Variants in EPRS1 observed in about 807,000 individuals in gnomAD.
The protein encoded by EPRS1 is bifunctional glutamate/proline--tRNA ligase.
EPRS1 carries 107 observed loss-of-function variants against 188.3 expected under a neutral mutation model. That is an observed-to-expected ratio of 0.57 (90% CI 0.49 to 0.67). The LOEUF is 0.67. EPRS1 is among the 30% of genes least tolerant of loss of function. The pLI is 0.00. For missense variants in EPRS1, 1,577 were observed against 1,802.2 expected (o/e 0.88, Z 2.26); for synonymous variants, 596 against 593.1 (o/e 1.00, Z -0.07).
rs780488539 is a variant in EPRS1, at chr1:219,973,271, A to G, written c.4211T>C (p.Ile1404Thr). The G allele has an allele frequency of 6.2e-7, 1 of 1,613,060 alleles. No homozygotes were observed. The highest frequency in any genetic ancestry group is 8.5e-7 in the Non-Finnish European group (1 of 1,179,664). ...AAGGGTGACCTGGATGTCTTCCAAA[A>G]TAGCTTGAAGTTTAGTCTCTGCCTC... The part of the protein sequence containing the change: ...ENEAETKLQA[I>T]LEDIQVTLFT... Residue 1404 changes from isoleucine (I) to threonine (T), a missense_variant, in exon 29 of 32, where the codon ATT (isoleucine) becomes ACT (threonine). This residue lies in a region of EPRS1 where 296 missense variants were observed against 327.9 expected (regional missense o/e 0.90). Transcript: ENST00000366923.
chr1:220,030,335 A>G (rs1662060827), intron 6 of EPRS1, 51 bp downstream of exon 6: 1 of 1,216,514 alleles, frequency 8.2e-7, no homozygotes, highest in Non-Finnish European at 1.2e-6. Flanking sequence ...ACTGTTTTAA[A>G]GCTTTCCCAC....
At chr1:220,039,556 T>C (rs1415174784) in intron 2 of EPRS1, among the ~76,000 whole-genome samples, 1 of 150,722 alleles carries the variant, frequency 6.6e-6, no homozygotes, top group African/African-American at 2.4e-5. Flanking sequence ...TCTAACTCTG[T>C]CACCCAGGCT....
chr1:220,004,034 G>A (rs576093769), intron 16 of EPRS1, among the ~76,000 whole-genome samples: 1 of 152,142 alleles, frequency 6.6e-6, no homozygotes, highest in Non-Finnish European at 1.5e-5. Flanking sequence ...TAACAACAAT[G>A]TTTGTTTGTT....
At chr1:219,969,379 A>T (rs1660623557) in intron 30 of EPRS1, 2 of 432,750 alleles carry the variant, frequency 4.6e-6, no homozygotes, top group Admixed American at 7.9e-5. Flanking sequence ...CAGTACCCTC[A>T]AATCTCCCAT....
chr1:220,026,852 T>C (rs1661981863), intron 6 of EPRS1, among the ~76,000 whole-genome samples: 1 of 151,852 alleles, frequency 6.6e-6, no homozygotes. Flanking sequence ...TTGATATCCA[T>C]ATGGGAGGGG....
intron 17 of EPRS1, among the ~76,000 whole-genome samples, chr1:220,000,756 G>A (rs1661334716): frequency 6.6e-6 from 1 of 152,156 alleles, no homozygotes; most frequent in Non-Finnish European, 1.5e-5. Flanking sequence ...CGAGGTGGGA[G>A]TTTCACCTGA....
chr1:220,033,287 CGACGG>C (rs11278281), intron 4 of EPRS1, among the ~76,000 whole-genome samples: 121,385 of 151,466 alleles, frequency 0.8, 48,797 homozygotes, highest in East Asian at 0.93. Flanking sequence ...GTGAGACAGA[CGACGG>C]GACGGCAGAA....
At chr1:220,002,627 T>C (rs1375085732) in intron 16 of EPRS1, among the ~76,000 whole-genome samples, 1 of 151,894 alleles carries the variant, frequency 6.6e-6, no homozygotes. Flanking sequence ...CGGGGGGCCA[T>C]GGCAGGTGGA....
chr1:219,991,116 G>T (rs748368025), intron 18 of EPRS1, among the ~76,000 whole-genome samples: 11 of 151,088 alleles, frequency 7.3e-5, no homozygotes, highest in Non-Finnish European at 1.0e-4. Flanking sequence ...TGGAGAAAAT[G>T]GACAATTTTT....
intron 8 of EPRS1, among the ~76,000 whole-genome samples, chr1:220,023,691 G>C (rs1661918225): frequency 1.3e-5 from 2 of 152,120 alleles, no homozygotes; most frequent in Non-Finnish European, 2.9e-5. Context: ...TGTTGCAGAA[G>C]GAATCCTTCA....
chr1:219,997,866 TAG>T, intron 17 of EPRS1, among the ~76,000 whole-genome samples: 1 of 152,204 alleles, frequency 6.6e-6, no homozygotes, highest in South Asian at 2.1e-4. Flanking sequence ...GAAATACATC[TAG>T]ATTGTTGATA....
At position 220,005,324 on chromosome 1, in the gene EPRS1, C is replaced by T; in HGVS notation, c.1987G>A (p.Asp663Asn). 2 of 1,598,208 alleles carry T rather than the reference C, an allele frequency of 1.3e-6. No homozygotes were observed. Among genetic ancestry groups the T allele is most frequent in the Non-Finnish European group, 1.7e-6 (2 of 1,171,742 alleles). Residue 663 changes from aspartate to asparagine, a missense_variant, in exon 16 of 32, where the codon GAT becomes AAT. Asp to Asn is a conservative substitution (Grantham distance 23). This residue lies in a region of EPRS1 where 1,278 missense variants were observed against 1,457.4 expected (regional missense o/e 0.88). Transcript: ENST00000366923. Reference protein sequence around the residue: ...ELMLGDPCLKDLKKGDIIQLQ... With the variant: ...ELMLGDPCLKNLKKGDIIQLQ... ...TGTATAATATCTCCTTTTTTCAAAT[C>T]CTTAAGGCAGGGATCCCCTAGCATT...
chr1:220,003,653 T>C (rs1263526641), intron 16 of EPRS1, among the ~76,000 whole-genome samples: 2 of 152,328 alleles, frequency 1.3e-5, no homozygotes, highest in African/African-American at 4.8e-5. Flanking sequence ...TGTTGAAAAG[T>C]TCAAAAACTT....
chr1:219,987,028 T>C, intron 20 of EPRS1, 114 bp downstream of exon 20: 2 of 1,084,034 alleles, frequency 1.8e-6, no homozygotes, highest in Non-Finnish European at 2.7e-6. Context: ...ATTGTAGCTT[T>C]AGCGTTCTCT....
At chr1:219,996,840 C>T (rs1661244380) in intron 18 of EPRS1, 143 bp downstream of exon 18, 1 of 920,104 alleles carries the variant, frequency 1.1e-6, no homozygotes. Context: ...ATTTTCAGAG[C>T]TTGGCACATA....
At chr1:220,026,721 G>C (rs1323427740) in intron 6 of EPRS1, among the ~76,000 whole-genome samples, 1 of 151,298 alleles carries the variant, frequency 6.6e-6, no homozygotes, top group Non-Finnish European at 1.5e-5. Flanking sequence ...TAGTAGAGAC[G>C]GGGTTTCACT....
At chr1:220,041,979 T>C (rs961177609) in intron 1 of EPRS1, among the ~76,000 whole-genome samples, 1 of 151,904 alleles carries the variant, frequency 6.6e-6, no homozygotes, top group African/African-American at 2.4e-5. Context: ...TACTCAAAGA[T>C]AGAGAACATA....
intron 6 of EPRS1, among the ~76,000 whole-genome samples, chr1:220,026,774 C>A (rs1464782293): frequency 1.3e-5 from 2 of 151,892 alleles, no homozygotes; most frequent in Non-Finnish European, 2.9e-5. Flanking sequence ...TTGTGACCCG[C>A]CTGCCTCGGC....
chr1:220,041,235 G>C (rs748868580), intron 1 of EPRS1, among the ~76,000 whole-genome samples: 2 of 152,084 alleles, frequency 1.3e-5, no homozygotes, highest in African/African-American at 2.4e-5. Flanking sequence ...AGGGGGCTGA[G>C]GTGGCAGGAC....
Sources: gnomAD v4.1 joint callset for allele counts (sites outside exome capture counted in the v4.1 genomes callset) on GRCh38, gnomAD v4.1.1 for gene constraint, gnomAD v4.1.1 regional missense constraint, MANE v1.5 for transcripts, NCBI Gene and HGNC (gene_info 2026-07-23, HGNC 2026-07-21) for gene names.